PRKAR1A: variants seen among roughly 807,000 people sequenced by gnomAD.
PRKAR1A encodes cAMP-dependent protein kinase type I-alpha regulatory subunit.
A neutral mutation model predicts 52.0 loss-of-function variants in PRKAR1A; 3 were observed. That is an observed-to-expected ratio of 0.06 (90% CI 0.03 to 0.15). The LOEUF is 0.15. PRKAR1A is among the 10% of genes least tolerant of loss of function. The pLI is 1.00. For synonymous variants in PRKAR1A, 188 were observed against 168.4 expected, an observed-to-expected ratio of 1.12 and a Z score of -0.90; for missense variants, 240 against 477.4, an observed-to-expected ratio of 0.50 and a Z score of 4.63.
At chr17:68,490,809 G>A in the PRKAR1A span, among the ~76,000 whole-genome samples, 1 of 152,138 alleles carries the variant, frequency 6.6e-6, no homozygotes, top group Non-Finnish European at 1.5e-5. Context: ...GTCTTATCGT[G>A]TACCCTTGGC....
At chr17:68,487,607 C>T in the PRKAR1A span, among the ~76,000 whole-genome samples, 2 of 151,998 alleles carry the variant, frequency 1.3e-5, no homozygotes, top group Non-Finnish European at 2.9e-5. Flanking sequence ...TCAAGACCAG[C>T]CTGACCGACA....
At chr17:68,482,225 CTT>C in the PRKAR1A span, among the ~76,000 whole-genome samples, 1 of 152,222 alleles carries the variant, frequency 6.6e-6, no homozygotes. Flanking sequence ...TAATTTAAAA[CTT>C]ATGTCGTCTT....
At chr17:68,492,301 T>C in the PRKAR1A span, among the ~76,000 whole-genome samples, 1 of 152,058 alleles carries the variant, frequency 6.6e-6, no homozygotes, top group Non-Finnish European at 1.5e-5. Context: ...ACCCCAGATA[T>C]TGCACGGTTT....
intron 3 of PRKAR1A, 136 bp downstream of exon 3, chr17:68,523,062 G>C: frequency 9.6e-7 from 1 of 1,038,778 alleles, no homozygotes; most frequent in Non-Finnish European, 1.4e-6. Context: ...TTGGGTACTG[G>C]AAAACAGGTT....
the PRKAR1A span, among the ~76,000 whole-genome samples, chr17:68,426,935 C>T: frequency 6.6e-6 from 1 of 152,108 alleles, no homozygotes; most frequent in Non-Finnish European, 1.5e-5. Flanking sequence ...GGTTTAAAGG[C>T]TATTACCATG....
At chr17:68,469,343 T>C in the PRKAR1A span, among the ~76,000 whole-genome samples, 1 of 152,198 alleles carries the variant, frequency 6.6e-6, no homozygotes, top group Non-Finnish European at 1.5e-5. Flanking sequence ...GGAGCTTTTT[T>C]TTCTTTTAAT....
chr17:68,428,606 TTG>T, the PRKAR1A span: 1 of 489,434 alleles, frequency 2.0e-6, no homozygotes, highest in African/African-American at 2.0e-5. Flanking sequence ...GGAGACCATC[TTG>T]TGTGTTATTA....
intron 11 of PRKAR1A, among the ~76,000 whole-genome samples, chr17:68,548,430 T>C (rs2086668645): frequency 6.6e-6 from 1 of 151,978 alleles, no homozygotes; most frequent in South Asian, 2.1e-4. Context: ...TTTGGAAGGC[T>C]GAGGCAAGAG....
intron 1 of PRKAR1A, 155 bp from the exon 2 acceptor site, chr17:68,515,239 T>G (rs1279437013): frequency 1.4e-6 from 1 of 726,642 alleles, no homozygotes; most frequent in African/African-American, 1.8e-5. Flanking sequence ...CTGTACATAT[T>G]TTATTCCCTA....
At chr17:68,455,706 C>T in the PRKAR1A span, among the ~76,000 whole-genome samples, 3 of 152,170 alleles carry the variant, frequency 2.0e-5, no homozygotes, top group Non-Finnish European at 4.4e-5. Context: ...TTTCAAAGCA[C>T]CCTACCGTTT....
chr17:68,473,047 T>C, the PRKAR1A span, among the ~76,000 whole-genome samples: 7 of 152,328 alleles, frequency 4.6e-5, no homozygotes, highest in African/African-American at 1.7e-4. Flanking sequence ...GTCATCGACA[T>C]ACTTTCAGCA....
the PRKAR1A span, among the ~76,000 whole-genome samples, chr17:68,490,779 T>G: frequency 2.6e-5 from 4 of 152,132 alleles, no homozygotes; most frequent in Admixed American, 1.3e-4. Context: ...TCATCATCCT[T>G]TGGGTTCCAG....
At chr17:68,528,822 A>T (rs1247398474) in intron 8 of PRKAR1A, 48 bp from the exon 9 acceptor site, 1 of 1,608,492 alleles carries the variant, frequency 6.2e-7, no homozygotes, top group Admixed American at 1.7e-5. Context: ...TTACCTTTAT[A>T]ACAGCACCAA....
At chr17:68,422,057 A>G in the PRKAR1A span, 2 of 532,902 alleles carry the variant, frequency 3.8e-6, no homozygotes, top group East Asian at 6.3e-5. Context: ...GTGTGTGTGT[A>G]TGTATTTATA....
the PRKAR1A span, among the ~76,000 whole-genome samples, chr17:68,505,873 G>A: frequency 5.3e-5 from 8 of 152,280 alleles, no homozygotes; most frequent in African/African-American, 1.9e-4. Context: ...TGTACCACAC[G>A]AATGCAAGAT....
intron 11 of PRKAR1A, among the ~76,000 whole-genome samples, chr17:68,540,322 G>A (rs1414411200): frequency 1.3e-5 from 2 of 152,178 alleles, no homozygotes; most frequent in Non-Finnish European, 2.9e-5. Flanking sequence ...AGCTGATCCT[G>A]GTTATAGTAA....
the PRKAR1A span, chr17:68,420,581 T>C: frequency 1.6e-6 from 2 of 1,258,712 alleles, no homozygotes; most frequent in East Asian, 2.3e-5. Context: ...AGTTTAGTTT[T>C]GGAGTTAGCC....
chr17:68,426,140 CTT>C, the PRKAR1A span: 1 of 1,612,190 alleles, frequency 6.2e-7, no homozygotes, highest in Middle Eastern at 2.1e-4. Context: ...TCAGGAATAA[CTT>C]CTCCTCGCAG....
chr17:68,465,881 G>T, the PRKAR1A span, among the ~76,000 whole-genome samples: 1 of 152,166 alleles, frequency 6.6e-6, no homozygotes, highest in African/African-American at 2.4e-5. Context: ...GGAGAGGGGC[G>T]AGTGATGGGG....
Sources: allele counts gnomAD v4.1 joint callset (sites outside exome capture counted in the v4.1 genomes callset), GRCh38; gene constraint gnomAD v4.1.1; transcripts MANE v1.5; gene names NCBI Gene and HGNC (gene_info 2026-07-23, HGNC 2026-07-21).